FBLIM1: variants seen among roughly 807,000 people sequenced by gnomAD.
FBLIM1 encodes the protein filamin binding LIM protein 1.
Under a neutral mutation model 37.4 loss-of-function variants are expected in FBLIM1, and 29 were observed. That is an observed-to-expected ratio of 0.77 (90% confidence interval 0.58 to 1.06). The LOEUF (loss-of-function observed/expected upper bound fraction) is 1.06. Ranked by LOEUF, FBLIM1 falls within the 50% of genes least tolerant of loss-of-function variation. The probability of loss-of-function intolerance (pLI) is 0.00; values close to 1 mark genes in which losing one functional copy is unlikely to be tolerated. For synonymous variants in FBLIM1, 193 were observed against 199.0 expected (o/e 0.97, Z 0.25); for missense variants, 449 against 505.6 (o/e 0.89, Z 1.07).
intron 6 of FBLIM1, among the ~76,000 whole-genome samples, chr1:15,771,119 T>G (rs752600027): frequency 3.9e-5 from 6 of 152,058 alleles, no homozygotes; most frequent in Non-Finnish European, 7.4e-5. Flanking sequence ...TTTGTATTTT[T>G]GGTAGAGATG....
chr1:15,778,894 A>G (rs1207908641), intron 8 of FBLIM1, among the ~76,000 whole-genome samples: 1 of 151,326 alleles, frequency 6.6e-6, no homozygotes, highest in East Asian at 1.9e-4. Context: ...TGCCCACCTC[A>G]GCTTCCCAGA....
intron 3 of FBLIM1, 114 bp from the exon 4 acceptor site, chr1:15,767,262 G>T: frequency 1.1e-6 from 1 of 901,516 alleles, no homozygotes; most frequent in South Asian, 1.9e-5. Context: ...ACCCAGGCCG[G>T]GGTGATCCCG....
chr1:15,768,603 G>A lies in FBLIM1; in HGVS notation c.514G>A (p.Glu172Lys). The change falls in exon 5 of 9, where the codon GAA becomes AAA. Residue 172 changes from glutamate (E) to lysine (K), a missense_variant. Physicochemically the swap from Glu to Lys is moderately conservative, Grantham distance 56 (BLOSUM62 1). Transcript: ENST00000375766. ...GGAAGAGCTGCCACCTCCCCCGGCA[G>A]AACCTGTTGAGAAAGGGGCATCCAC... The part of the protein sequence containing the change: ...MEEELPPPPA[E>K]PVEKGASTDI... The A allele has an allele frequency of 1.2e-6, 2 of 1,612,196 alleles. No individual in the cohort carries two copies. Among genetic ancestry groups the A allele is most frequent in the Non-Finnish European group, 1.7e-6 (2 of 1,179,552 alleles).
At chr1:15,775,472 T>C (rs1164212401) in intron 7 of FBLIM1, among the ~76,000 whole-genome samples, 1 of 151,272 alleles carries the variant, frequency 6.6e-6, no homozygotes, top group African/African-American at 2.4e-5. Flanking sequence ...GAGGTGGAGT[T>C]TGCAGTGAGC....
In FBLIM1 at chr1:15,761,764, C is replaced by A. The variant is rs115105587; in HGVS notation, c.-210-2732C>A. Among the ~76,000 whole-genome samples, 711 of 152,266 alleles carry A rather than the reference C, an allele frequency of 4.7e-3. 6 individuals are homozygous for A. The highest frequency in any genetic ancestry group is 0.017 in the African/African-American group (689 of 41,560). On this transcript the variant is annotated intron_variant, in intron 1 of 8. Transcript: ENST00000375766. The stretch of plus-strand genomic sequence containing the variant: ...TGAGCTATGTATTTTAGCCAAACAA[C>A]TTAAGGGAATTTAGGAGCACGTGTT...
chr1:15,768,699 C>T, intron 5 of FBLIM1, 69 bp downstream of exon 5: 1 of 1,296,538 alleles, frequency 7.7e-7, no homozygotes, highest in Non-Finnish European at 1.0e-6. Flanking sequence ...CAGGTAGAAA[C>T]CAAGAGAGTG....
In FBLIM1 at chr1:15,765,385, C is replaced by A; in HGVS notation, c.250+152C>A. 1 of 1,096,564 alleles carries A rather than the reference C, an allele frequency of 9.1e-7. No homozygotes were observed. The highest frequency in any genetic ancestry group is 1.3e-6 in the Non-Finnish European group (1 of 788,076). The allele number at this position is 1,096,564 out of a possible 1,614,324, so 67.9% of individuals were successfully genotyped here. A position where few individuals can be genotyped will look rare whatever the true frequency, so the allele number is the denominator to read the frequency against. ...AAAAGATGTGCCCCTTCTGGGTGGGCAAGGGAGCCCGGGAAATAGAGGCTA... is the reference window on the plus strand; with the variant it reads ...AAAAGATGTGCCCCTTCTGGGTGGGAAAGGGAGCCCGGGAAATAGAGGCTA... On this transcript the variant is annotated intron_variant, in intron 3 of 8. Transcript: ENST00000375766. The surrounding 1 kb of genome is among the most constrained non-coding windows in gnomAD (Gnocchi z 5.9).
chr1:15,759,668 C>T (rs2068573223), intron 1 of FBLIM1, among the ~76,000 whole-genome samples: 1 of 152,206 alleles, frequency 6.6e-6, no homozygotes, highest in South Asian at 2.1e-4. Flanking sequence ...ATCCTCTCAG[C>T]CGCCCTAGGG....
chr1:15,778,797 C>T (rs759727394), intron 8 of FBLIM1, among the ~76,000 whole-genome samples: 3 of 152,044 alleles, frequency 2.0e-5, no homozygotes, highest in Non-Finnish European at 2.9e-5. Flanking sequence ...TGCACCACCA[C>T]GCCCAGCTAA....
chr1:15,783,703 C>G (rs954709109), intron 8 of FBLIM1, among the ~76,000 whole-genome samples: 2 of 151,640 alleles, frequency 1.3e-5, no homozygotes, highest in Non-Finnish European at 2.9e-5. Flanking sequence ...CTGCCTCAGC[C>G]TCCCACATAG....
At chr1:15,774,072 G>A (rs2069364767) in intron 6 of FBLIM1, among the ~76,000 whole-genome samples, 1 of 152,158 alleles carries the variant, frequency 6.6e-6, no homozygotes, top group Non-Finnish European at 1.5e-5. Context: ...AGTAGAGGAT[G>A]CAGTGAGCTG....
intron 8 of FBLIM1, among the ~76,000 whole-genome samples, chr1:15,782,115 T>G (rs1470344117): frequency 1.3e-5 from 2 of 151,944 alleles, no homozygotes; most frequent in Non-Finnish European, 2.9e-5. Flanking sequence ...TGTCCCCATT[T>G]CACATGGGGA....
chr1:15,759,369 G>C (rs960761757), intron 1 of FBLIM1, among the ~76,000 whole-genome samples: 1 of 152,172 alleles, frequency 6.6e-6, no homozygotes, highest in Non-Finnish European at 1.5e-5. Flanking sequence ...CGCCCGTCGG[G>C]GGCTGAGAAG....
chr1:15,759,446 C>T (rs1029902630), intron 1 of FBLIM1, among the ~76,000 whole-genome samples: 1 of 152,170 alleles, frequency 6.6e-6, no homozygotes, highest in Non-Finnish European at 1.5e-5. Flanking sequence ...CTACCCCTCA[C>T]CTCCCACCCA....
In FBLIM1 at chr1:15,786,584, A is replaced by G. The variant is rs1178102423; in HGVS notation, c.*1923A>G. The stretch of plus-strand genomic sequence containing the variant: ...ATGAAAATAAATGCATAAGTGTTAG[A>G]AGCTCTTCCATGTTGTGTGTAGGCT... On this transcript the variant is annotated 3_prime_UTR_variant, in exon 9 of 9. Transcript: ENST00000375766. The G allele has an allele frequency of 6.6e-6, 1 of 152,274 alleles. No homozygotes were observed. Among genetic ancestry groups the G allele is most frequent in the Non-Finnish European group, 1.5e-5 (1 of 68,050 alleles). The allele number at this position is 152,274 out of a possible 1,614,324, so 9.4% of individuals were successfully genotyped here.
At position 15,770,596 on chromosome 1, in the gene FBLIM1, CCT is replaced by C; in HGVS notation, c.711+21_711+22del. 1 of 1,611,436 alleles carries C rather than the reference CCT, an allele frequency of 6.2e-7. No homozygotes were observed. The highest frequency in any genetic ancestry group is 8.5e-7 in the Non-Finnish European group (1 of 1,178,232). On this transcript the variant is annotated intron_variant, in intron 6 of 8. Coordinates refer to ENST00000375766, the MANE Select transcript of FBLIM1 (RefSeq NM_017556.4). ...GCTACCAGGTAACCCCTGCAGCAGA[CCT>C]CTGGGTGCCAGGCAGTGAGCTGAGC...
At chr1:15,760,487 G>A (rs562223379) in intron 1 of FBLIM1, among the ~76,000 whole-genome samples, 6 of 141,932 alleles carry the variant, frequency 4.2e-5, no homozygotes, top group African/African-American at 1.1e-4. Context: ...CTGAGATTGC[G>A]CCACTGCACT....
chr1:15,777,319 C>A, intron 8 of FBLIM1, 32 bp downstream of exon 8: 1 of 1,527,600 alleles, frequency 6.5e-7, no homozygotes, highest in Non-Finnish European at 9.1e-7. Context: ...TAATAACATT[C>A]CATTGCTGCG....
intron 8 of FBLIM1, among the ~76,000 whole-genome samples, chr1:15,781,685 A>G (rs1256622589): frequency 6.6e-6 from 1 of 151,254 alleles, no homozygotes; most frequent in Non-Finnish European, 1.5e-5. Flanking sequence ...TATTGTTGGA[A>G]GGATAACAAT....
Sources: gnomAD v4.1 joint callset for allele counts (sites outside exome capture counted in the v4.1 genomes callset) on GRCh38, gnomAD v4.1.1 for gene constraint, Gnocchi (gnomAD v3.1) non-coding constraint, MANE v1.5 for transcripts, NCBI Gene and HGNC (gene_info 2026-07-23, HGNC 2026-07-21) for gene names.